Variants in RIMS1 observed in about 807,000 individuals in gnomAD.
RIMS1 encodes regulating synaptic membrane exocytosis protein 1.
RIMS1 carries 83 observed loss-of-function variants against 214.1 expected under a neutral mutation model. The ratio of observed to expected loss-of-function variants is 0.39; its 90% CI spans 0.32 to 0.47. The LOEUF is 0.47. Among genes scored for constraint, RIMS1 ranks in the 20% least tolerant of loss-of-function variants. The probability of loss-of-function intolerance (pLI) is 0.99; values close to 1 mark genes in which losing one functional copy is unlikely to be tolerated. For missense variants in RIMS1, 2,050 were observed against 2,161.8 expected (o/e 0.95, Z 1.03); for synonymous variants, 793 against 786.8 (o/e 1.01, Z -0.13).
At chr6:72,260,583 G>A (rs151255967) in intron 18 of RIMS1, 122 bp from the exon 19 acceptor site, 2 of 1,313,632 alleles carry the variant, frequency 1.5e-6, no homozygotes, top group Non-Finnish European at 2.1e-6. Context: ...AACCTCTCAA[G>A]CAAATATGCT....
At chr6:72,110,492 G>T (rs1424139978) in intron 4 of RIMS1, among the ~76,000 whole-genome samples, 20 of 147,792 alleles carry the variant, frequency 1.4e-4, no homozygotes, top group Non-Finnish European at 1.5e-4. Context: ...CTCATGATTT[G>T]GCTCTCTGTT....
chr6:71,980,808 A>G (rs1798297881), intron 2 of RIMS1, among the ~76,000 whole-genome samples: 1 of 152,062 alleles, frequency 6.6e-6, no homozygotes, highest in African/African-American at 2.4e-5. Flanking sequence ...GAAAGAAGAA[A>G]CTGGTACGCC....
chr6:72,244,999 C>T (rs767499056), intron 10 of RIMS1, among the ~76,000 whole-genome samples: 7 of 151,776 alleles, frequency 4.6e-5, no homozygotes, highest in South Asian at 2.1e-4. Context: ...GATATTAAAA[C>T]GTCTTTGGAA....
chr6:71,915,159 T>TA, intron 1 of RIMS1, among the ~76,000 whole-genome samples: 1 of 152,298 alleles, frequency 6.6e-6, no homozygotes, highest in African/African-American at 2.4e-5. Flanking sequence ...CCTATCTGTC[T>TA]AAATCCTGTA....
chr6:72,335,413 T>C (rs918816020), intron 29 of RIMS1, among the ~76,000 whole-genome samples: 13 of 152,036 alleles, frequency 8.6e-5, no homozygotes, highest in Admixed American at 8.5e-4. Flanking sequence ...TTCATCCTTT[T>C]TTATGGCTGC....
chr6:72,064,657 A>G (rs1828822815), intron 2 of RIMS1, among the ~76,000 whole-genome samples: 1 of 151,348 alleles, frequency 6.6e-6, no homozygotes, highest in Non-Finnish European at 1.5e-5. Context: ...GGCAAATAAA[A>G]GAGCTAGACT....
chr6:72,024,900 G>GTTTTTTTTTTTTTTTTTTTTTTTTT (rs777214787), intron 2 of RIMS1, among the ~76,000 whole-genome samples: 5 of 98,666 alleles, frequency 5.1e-5, no homozygotes, highest in African/African-American at 1.9e-4. Context: ...AAATCTGTGG[G>GTTTTTTTTTTTTTTTTTTTTTTTTT]TTTTTTTTTT....
chr6:71,937,364 G>A (rs1583029726), intron 1 of RIMS1, among the ~76,000 whole-genome samples: 2 of 152,086 alleles, frequency 1.3e-5, no homozygotes, highest in Non-Finnish European at 2.9e-5. Flanking sequence ...AGGCTCAAGC[G>A]ATTCTCCCAC....
intron 27 of RIMS1, among the ~76,000 whole-genome samples, chr6:72,307,785 C>T (rs2095301678): frequency 6.6e-6 from 1 of 151,900 alleles, no homozygotes; most frequent in South Asian, 2.1e-4. Flanking sequence ...AAATGATAGT[C>T]CTGCATCATA....
chr6:72,155,972 T>G, intron 4 of RIMS1: 1 of 228,182 alleles, frequency 4.4e-6, no homozygotes, highest in East Asian at 1.2e-4. Flanking sequence ...AGATAACAAG[T>G]GTTGGTGAGG....
intron 4 of RIMS1, among the ~76,000 whole-genome samples, chr6:72,142,500 T>C (rs2042198077): frequency 1.3e-5 from 2 of 152,076 alleles, no homozygotes. Flanking sequence ...ATTATTCATA[T>C]ATTATTTTCA....
At chr6:72,087,492 A>G (rs1834963224) in intron 2 of RIMS1, among the ~76,000 whole-genome samples, 1 of 152,104 alleles carries the variant, frequency 6.6e-6, no homozygotes, top group Non-Finnish European at 1.5e-5. Context: ...GTGGAGAAGG[A>G]CTCTCAGATG....
At chr6:71,937,407 C>G (rs1377172363) in intron 1 of RIMS1, among the ~76,000 whole-genome samples, 1 of 152,098 alleles carries the variant, frequency 6.6e-6, no homozygotes, top group Non-Finnish European at 1.5e-5. Flanking sequence ...ACCACAGGTG[C>G]ACGCCCAGCT....
rs1020612102 is a variant in RIMS1, at chr6:72,286,177, A to G, written c.3554+2059A>G. Among the ~76,000 whole-genome samples, 52 of 152,008 alleles carry G rather than the reference A, an allele frequency of 3.4e-4. 1 individual carries two copies. The highest frequency in any genetic ancestry group is 1.2e-3 in the African/African-American group (50 of 41,370). Reference sequence around the variant, plus strand: ...GCGCCATTGCACTCCAGCCTGGGCAAGAAGAGCAAAACTCCATCTCAAAAA... The same window carrying G: ...GCGCCATTGCACTCCAGCCTGGGCAGGAAGAGCAAAACTCCATCTCAAAAA... On this transcript the variant is annotated intron_variant, in intron 24 of 33. Transcript: ENST00000521978.
At chr6:72,126,070 G>T (rs573869787) in intron 4 of RIMS1, among the ~76,000 whole-genome samples, 1 of 152,134 alleles carries the variant, frequency 6.6e-6, no homozygotes, top group Non-Finnish European at 1.5e-5. Context: ...CTTCTGTGTC[G>T]ATCTCACTGG....
intron 2 of RIMS1, among the ~76,000 whole-genome samples, chr6:71,975,073 A>G (rs1825226): frequency 0.04 from 6,085 of 152,256 alleles, 259 homozygotes; most frequent in East Asian, 0.16. Flanking sequence ...AAAAAGCCAG[A>G]CACCAGTGAT....
At position 72,400,706 on chromosome 6, in the gene RIMS1, C is replaced by T. The variant is rs528476500; in HGVS notation, c.5071C>T (p.Arg1691Ter). The T allele has an allele frequency of 2.9e-5, 46 of 1,610,422 alleles. No individual in the cohort carries two copies. The highest frequency in any genetic ancestry group is 5.3e-5 in the African/African-American group (4 of 74,950). ...LESSTGPPCI[R>*]S ...AAGTTCAACTGGGCCTCCCTGTATT[C>T]GATCATAGTGAACTCATACCAGAGT... Residue 1691 changes from arginine (R) to a stop codon, truncating the protein, a stop_gained, in exon 34 of 34, where the codon CGA becomes TGA. Coordinates refer to ENST00000521978, the MANE Select transcript of RIMS1 (RefSeq NM_014989.7). LOFTEE classifies it high-confidence loss of function.
At chr6:72,376,794 C>T (rs1238431012) in intron 29 of RIMS1, among the ~76,000 whole-genome samples, 1 of 151,666 alleles carries the variant, frequency 6.6e-6, no homozygotes, top group Non-Finnish European at 1.5e-5. Context: ...TATAAGATTT[C>T]CCTGGGTTTT....
intron 6 of RIMS1, among the ~76,000 whole-genome samples, chr6:72,187,449 A>G (rs148671323): frequency 6.7e-6 from 1 of 148,902 alleles, no homozygotes; most frequent in Non-Finnish European, 1.5e-5. Flanking sequence ...AAATGTAGAT[A>G]TACTTAATTT....
Sources: gnomAD v4.1 joint callset for allele counts (sites outside exome capture counted in the v4.1 genomes callset) on GRCh38, gnomAD v4.1.1 for gene constraint, MANE v1.5 for transcripts, NCBI Gene and HGNC (gene_info 2026-07-23, HGNC 2026-07-21) for gene names.